Variants in KAT14 observed in about 807,000 individuals in gnomAD.
KAT14 encodes cysteine-rich protein 2-binding protein.
KAT14 carries 66 observed loss-of-function variants against 78.4 expected under a neutral mutation model. That is an observed-to-expected ratio of 0.84 (90% CI 0.69 to 1.03). The LOEUF (loss-of-function observed/expected upper bound fraction) is 1.03. KAT14 is among the 50% of genes least tolerant of loss of function. The pLI, the probability that KAT14 is intolerant of heterozygous loss-of-function variation, is 0.00. For missense variants in KAT14, 870 were observed against 972.5 expected, an observed-to-expected ratio of 0.89 and a Z score of 1.40; for synonymous variants, 344 against 359.4, an observed-to-expected ratio of 0.96 and a Z score of 0.48.
At position 18,187,804 on chromosome 20, in the gene KAT14, T is replaced by C; in HGVS notation, c.*345T>C. ...GAGAGATAACCTGTCTGTCATAACTTAAAGGATGAGAAAATGTGGTGTAGC... is the reference window on the plus strand; with the variant it reads ...GAGAGATAACCTGTCTGTCATAACTCAAAGGATGAGAAAATGTGGTGTAGC... On this transcript the variant is annotated 3_prime_UTR_variant, in exon 11 of 11. Coordinates refer to ENST00000688188, the MANE Select transcript of KAT14 (RefSeq NM_001392073.1). The C allele has an allele frequency of 3.4e-6, 1 of 290,850 alleles. No individual in the cohort carries two copies. Among genetic ancestry groups the C allele is most frequent in the Middle Eastern group, 1.0e-3 (1 of 958 alleles). 18.0% of individuals were successfully genotyped at this position (290,850 alleles called of 1,614,324 possible). A position where few individuals can be genotyped will look rare whatever the true frequency, so the allele number is the denominator to read the frequency against.
rs557794834 is a variant in KAT14 at position 18,168,540 on chromosome 20, T to A, written c.1668+5595T>A. 1.9e-3 allele frequency among the ~76,000 whole-genome samples: 293 copies of A among 151,300 alleles called. 2 individuals carry two copies. Among genetic ancestry groups the A allele is most frequent in the African/African-American group, 6.5e-3 (269 of 41,196 alleles). On this transcript the variant is annotated intron_variant, in intron 7 of 10. Coordinates refer to ENST00000688188, the MANE Select transcript of KAT14 (RefSeq NM_001392073.1). ...GAGACTCTCTCTCAAAAAAAAAAAA[T>A]TTTTTTTGTTTCTTATCAATTAAGT...
Position 18,161,904 on chromosome 20 carries a change from T to C in KAT14, c.764T>C (p.Met255Thr). 3.1e-6 allele frequency: 5 copies of C among 1,614,126 alleles called. No individual in the cohort carries two copies. Among genetic ancestry groups the C allele is most frequent in the Non-Finnish European group, 4.2e-6 (5 of 1,180,024 alleles). ...AGTCGGAATCCTGTGGAATCTGCCA[T>C]GGAATTAAAAGAGAAAAGGTCTCGA... is the stretch of plus-strand genomic sequence containing the variant. ...RASRNPVESA[M>T]ELKEKRSRTQ... The change falls in exon 6 of 11, where the codon ATG (methionine) becomes ACG (threonine). Residue 255 changes from methionine (M) to threonine (T), a missense_variant. Met to Thr is a moderately conservative substitution (Grantham distance 81). Transcript: ENST00000688188.
intron 5 of KAT14, 25 bp from the exon 6 acceptor site, chr20:18,161,798 G>T (rs967358600): frequency 1.2e-6 from 2 of 1,601,354 alleles, no homozygotes; most frequent in Admixed American, 1.7e-5. Flanking sequence ...GGGATACTCA[G>T]CCTGTATTTA....
intron 7 of KAT14, among the ~76,000 whole-genome samples, chr20:18,180,342 T>C (rs1485242851): frequency 6.6e-6 from 1 of 152,174 alleles, no homozygotes; most frequent in East Asian, 1.9e-4. Context: ...ATTCCTCATC[T>C]CCATCTGAGA....
rs745903605 is a variant in KAT14, at chr20:18,181,839, T to TATAC, written c.1801_1802insCATA (p.Ile601ThrfsTer5). The TATAC allele has an allele frequency of 6.2e-7, 1 of 1,613,970 alleles. No individual in the cohort carries two copies. Among genetic ancestry groups the TATAC allele is most frequent in the African/African-American group, 1.3e-5 (1 of 74,898 alleles). On this transcript the variant is annotated frameshift_variant, in exon 8 of 11. Transcript: ENST00000688188. LOFTEE classifies it high-confidence loss of function. Reference sequence around the variant, plus strand: ...TTATACCTCTCGGATCTTGAAACCTTATATCAGGTATATGGAGAACTAGAG... The same window carrying TATAC: ...TTATACCTCTCGGATCTTGAAACCTTATACATATCAGGTATATGGAGAACTAGAG...
chr20:18,151,443 T>C (rs1237939990), intron 4 of KAT14, among the ~76,000 whole-genome samples: 5 of 151,776 alleles, frequency 3.3e-5, no homozygotes, highest in Non-Finnish European at 7.4e-5. Flanking sequence ...GTGATCTGTC[T>C]GCCTCGGCTT....
At chr20:18,168,747 CTTACTTGACAACTCTGTTCTT>C (rs2038748242) in intron 7 of KAT14, among the ~76,000 whole-genome samples, 1 of 152,034 alleles carries the variant, frequency 6.6e-6, no homozygotes, top group African/African-American at 2.4e-5. Flanking sequence ...TCTCATTTGT[CTTACTTGACAACTCTGTTCTT>C]TTGGTCAGAG....
chr20:18,171,866 G>A (rs377310803), intron 7 of KAT14, among the ~76,000 whole-genome samples: 1 of 152,090 alleles, frequency 6.6e-6, no homozygotes, highest in South Asian at 2.1e-4. Context: ...GCATGCTTCA[G>A]TGTTGTCTTA....
rs1568669015 is a variant in KAT14 at position 18,162,959 on chromosome 20, C to T, written c.1668+14C>T. 1.2e-6 allele frequency: 2 copies of T among 1,611,328 alleles called. No individual in the cohort carries two copies. The highest frequency in any genetic ancestry group is 3.3e-4 in the Middle Eastern group (2 of 6,046). On this transcript the variant is annotated intron_variant, in intron 7 of 10. Transcript: ENST00000688188. ...GACCGATACCAGGTGAATGCAAGCA[C>T]TTGCTGTAAAGCCCTTGGGGGCAGG...
chr20:18,183,219 C>T lies in KAT14; in HGVS notation c.1902C>T (p.Asp634=), dbSNP rs144258253. The T allele has an allele frequency of 4.2e-4, 678 of 1,614,138 alleles. 8 individuals are homozygous for T. In the East Asian group the frequency reaches 0.014, roughly 34 times the overall value. The change falls in exon 9 of 11, where the codon GAC becomes GAT. Residue 634 remains aspartate (D), a synonymous_variant. Coordinates refer to ENST00000688188, the MANE Select transcript of KAT14 (RefSeq NM_001392073.1). ...RSDPHWTPEP[D]APLDYCYVRP... is the part of the protein sequence containing the mutation. ...ACCCTCACTGGACGCCGGAGCCCGA[C>T]GCACCTCTCGATTACTGTTATGTGC...
intron 7 of KAT14, among the ~76,000 whole-genome samples, chr20:18,180,977 G>A (rs889760507): frequency 6.6e-6 from 1 of 152,118 alleles, no homozygotes; most frequent in African/African-American, 2.4e-5. Flanking sequence ...GGCCCCAGTG[G>A]CTCTTTGGAT....
chr20:18,156,198 A>C (rs1193928289), intron 4 of KAT14, among the ~76,000 whole-genome samples: 1 of 152,188 alleles, frequency 6.6e-6, no homozygotes, highest in African/African-American at 2.4e-5. Flanking sequence ...AAAATCACAG[A>C]TACAGAACGT....
At chr20:18,149,329 A>G (rs1487798135) in intron 3 of KAT14, among the ~76,000 whole-genome samples, 1 of 152,224 alleles carries the variant, frequency 6.6e-6, no homozygotes, top group Non-Finnish European at 1.5e-5. Context: ...TTTTATCTTT[A>G]CAAAATGAAA....
At chr20:18,157,380 T>C (rs1480619323) in intron 4 of KAT14, among the ~76,000 whole-genome samples, 2 of 152,164 alleles carry the variant, frequency 1.3e-5, no homozygotes. Flanking sequence ...CACACCCAGC[T>C]AATTTTTTTA....
intron 10 of KAT14, among the ~76,000 whole-genome samples, chr20:18,186,149 A>AGG (rs2039442833): frequency 3.3e-5 from 5 of 152,188 alleles, no homozygotes; most frequent in Non-Finnish European, 7.4e-5. Flanking sequence ...GCCCAACATG[A>AGG]GGGCTGGTAC....
chr20:18,159,406 CTT>C, intron 5 of KAT14, 141 bp downstream of exon 5: 2 of 860,448 alleles, frequency 2.3e-6, no homozygotes, highest in Non-Finnish European at 3.4e-6. Flanking sequence ...TGTGATGACA[CTT>C]GTGTGTGTGC....
chr20:18,142,551 C>G lies in KAT14; in HGVS notation c.-110C>G. 4 of 1,518,398 alleles carry G rather than the reference C, an allele frequency of 2.6e-6. No homozygotes were observed. The highest frequency in any genetic ancestry group is 3.5e-6 in the Non-Finnish European group (4 of 1,131,512). 94.1% of individuals were successfully genotyped at this position (1,518,398 alleles called of 1,614,324 possible). ...CTGAATAAAGGAGTGTGGGCAGACA[C>G]TTTTTGGAAGAGTCTGTCTGGGTGA... On this transcript the variant is annotated 5_prime_UTR_variant, in exon 2 of 11. Coordinates refer to ENST00000688188, the MANE Select transcript of KAT14 (RefSeq NM_001392073.1).
chr20:18,175,159 CTTT>C (rs1285017805), intron 7 of KAT14, among the ~76,000 whole-genome samples: 1 of 152,086 alleles, frequency 6.6e-6, no homozygotes, highest in East Asian at 1.9e-4. Context: ...CTCCTCCTCT[CTTT>C]TTCCCACAAT....
chr20:18,179,263 G>A (rs1159634933), intron 7 of KAT14, among the ~76,000 whole-genome samples: 5 of 152,172 alleles, frequency 3.3e-5, no homozygotes, highest in Admixed American at 6.5e-5. Flanking sequence ...CCATTCTGGG[G>A]TCTGAAGGAC....
Sources: gnomAD v4.1 joint callset for allele counts (sites outside exome capture counted in the v4.1 genomes callset) on GRCh38, gnomAD v4.1.1 for gene constraint, MANE v1.5 for transcripts, NCBI Gene and HGNC (gene_info 2026-07-23, HGNC 2026-07-21) for gene names.